The following FBXO4 variants were observed in gnomAD, a reference collection of about 807,000 sequenced individuals.
The protein encoded by FBXO4 is F-box protein 4.
FBXO4 carries 36 observed loss-of-function variants against 43.7 expected under a neutral mutation model. The observed-to-expected ratio is 0.82, with a 90% CI of 0.63 to 1.09. The LOEUF is 1.09. FBXO4 is among the 50% of genes least tolerant of loss of function. FBXO4 has a pLI of 0.00. For synonymous variants in FBXO4, 180 were observed against 165.6 expected (o/e 1.09, Z -0.67); for missense variants, 435 against 474.1 (o/e 0.92, Z 0.77).
At chr5:41,959,438 C>T in the FBXO4 span, among the ~76,000 whole-genome samples, 5 of 151,924 alleles carry the variant, frequency 3.3e-5, no homozygotes, top group East Asian at 1.9e-4. Flanking sequence ...GCTTTAGGGC[C>T]GTATTTTAAA....
chr5:41,968,517 A>T, the FBXO4 span, among the ~76,000 whole-genome samples: 1 of 152,232 alleles, frequency 6.6e-6, no homozygotes, highest in Non-Finnish European at 1.5e-5. Flanking sequence ...ATTAGCTGTG[A>T]CACAGTCTCC....
downstream of FBXO4, among the ~76,000 whole-genome samples, chr5:41,944,445 A>T (rs571784207): frequency 6.6e-6 from 1 of 152,310 alleles, no homozygotes; most frequent in East Asian, 1.9e-4. Context: ...TAGAAGAGAG[A>T]AACTTTCTCA....
At chr5:41,980,652 T>G in the FBXO4 span, among the ~76,000 whole-genome samples, 50 of 146,772 alleles carry the variant, frequency 3.4e-4, no homozygotes, top group African/African-American at 5.1e-4. Context: ...GTTTTATGGG[T>G]TTTTTTTTGC....
At chr5:42,040,250 ATG>A in the FBXO4 span, among the ~76,000 whole-genome samples, 9 of 152,080 alleles carry the variant, frequency 5.9e-5, no homozygotes, top group African/African-American at 9.6e-5. Flanking sequence ...ATAATTTAAT[ATG>A]TGTGTGTGTT....
the FBXO4 span, among the ~76,000 whole-genome samples, chr5:41,962,384 A>T: frequency 6.6e-6 from 1 of 152,088 alleles, no homozygotes; most frequent in African/African-American, 2.4e-5. Flanking sequence ...AAAATCAACC[A>T]ATGCATCAGT....
intron 1 of FBXO4, 141 bp downstream of exon 1, chr5:41,925,639 T>G: frequency 1.8e-6 from 1 of 547,506 alleles, no homozygotes; most frequent in Non-Finnish European, 2.8e-6. Context: ...CCTGGCAGTG[T>G]AGTCACCGAG....
At chr5:41,960,796 C>A in the FBXO4 span, among the ~76,000 whole-genome samples, 1 of 151,640 alleles carries the variant, frequency 6.6e-6, no homozygotes, top group Non-Finnish European at 1.5e-5. Context: ...TTATTTTGGT[C>A]TTTTTTTATT....
At chr5:41,964,147 T>C in the FBXO4 span, among the ~76,000 whole-genome samples, 1 of 152,230 alleles carries the variant, frequency 6.6e-6, no homozygotes, top group Non-Finnish European at 1.5e-5. Context: ...TTTTCAAATA[T>C]ATTTTCATTG....
At chr5:42,005,506 A>G in the FBXO4 span, among the ~76,000 whole-genome samples, 1 of 152,170 alleles carries the variant, frequency 6.6e-6, no homozygotes, top group African/African-American at 2.4e-5. Context: ...TTCCTAACTC[A>G]GCTGATATTC....
chr5:42,020,320 C>G, the FBXO4 span, among the ~76,000 whole-genome samples: 26 of 152,008 alleles, frequency 1.7e-4, no homozygotes, highest in Non-Finnish European at 1.0e-4. Context: ...TATTGATATT[C>G]CTTTATTTAA....
the FBXO4 span, among the ~76,000 whole-genome samples, chr5:41,986,335 G>A: frequency 6.6e-6 from 1 of 151,216 alleles, no homozygotes; most frequent in African/African-American, 2.4e-5. Context: ...AGAGAGAGAG[G>A]AAAAAAAACA....
chr5:41,934,292 TGCTGAA>T lies in FBXO4; in HGVS notation c.886_891del (p.Glu296_Ala297del). On this transcript the variant is annotated inframe_deletion, in exon 5 of 7. Transcript: ENST00000281623. ...TAGATGGGTTCATCTATGTTGCAAATGCTGAAGCTCATAAAAGTAAGTACTCATATG... is the reference window on the plus strand; with the variant it reads ...TAGATGGGTTCATCTATGTTGCAAATGCTCATAAAAGTAAGTACTCATATG... 1 of 1,614,142 alleles carries T rather than the reference TGCTGAA, an allele frequency of 6.2e-7. No individual in the cohort carries two copies. Among genetic ancestry groups the T allele is most frequent in the Non-Finnish European group, 8.5e-7 (1 of 1,180,006 alleles).
At chr5:41,966,739 G>A in the FBXO4 span, among the ~76,000 whole-genome samples, 492 of 151,614 alleles carry the variant, frequency 3.2e-3, 3 homozygotes, top group African/African-American at 0.011. Context: ...TTTTCCTCTG[G>A]TTTGATGAGT....
chr5:42,017,871 A>G, the FBXO4 span, among the ~76,000 whole-genome samples: 50 of 151,690 alleles, frequency 3.3e-4, no homozygotes, highest in Non-Finnish European at 5.4e-4. Context: ...TGATTCCATC[A>G]TGTTGCTATT....
chr5:41,988,130 A>G, the FBXO4 span, among the ~76,000 whole-genome samples: 45 of 152,192 alleles, frequency 3.0e-4, no homozygotes, highest in South Asian at 2.1e-3. Flanking sequence ...GGGGGGAGAG[A>G]AAATGTTGTA....
the FBXO4 span, among the ~76,000 whole-genome samples, chr5:42,017,450 A>G: frequency 6.6e-6 from 1 of 151,372 alleles, no homozygotes; most frequent in Admixed American, 6.6e-5. Flanking sequence ...CTCTTTTTCA[A>G]CCTTTATTTT....
chr5:42,014,130 G>A, the FBXO4 span, among the ~76,000 whole-genome samples: 3 of 152,126 alleles, frequency 2.0e-5, no homozygotes, highest in Non-Finnish European at 4.4e-5. Flanking sequence ...CATTCAATGA[G>A]GAGTCTTCCC....
chr5:41,926,538 A>G (rs1465409913), intron 1 of FBXO4, among the ~76,000 whole-genome samples: 1 of 152,220 alleles, frequency 6.6e-6, no homozygotes, highest in African/African-American at 2.4e-5. Flanking sequence ...TTGCCACTGC[A>G]CTCCAGCCTG....
the FBXO4 span, among the ~76,000 whole-genome samples, chr5:42,035,089 CTGGGAGTTTATTCA>C: frequency 6.6e-6 from 1 of 151,942 alleles, no homozygotes; most frequent in East Asian, 1.9e-4. Flanking sequence ...ACAATTGTGA[CTGGGAGTTTATTCA>C]TGGTTTGGGT....
Sources: allele counts gnomAD v4.1 joint callset (sites outside exome capture counted in the v4.1 genomes callset), GRCh38; gene constraint gnomAD v4.1.1; transcripts MANE v1.5; gene names NCBI Gene and HGNC (gene_info 2026-07-23, HGNC 2026-07-21).